Variants in PTN observed in about 807,000 individuals in gnomAD.
PTN encodes the protein heparin affin regulatory protein.
A neutral mutation model predicts 24.1 loss-of-function variants in PTN; 18 were observed. That is an observed-to-expected ratio of 0.75 (90% CI 0.52 to 1.11). The LOEUF (loss-of-function observed/expected upper bound fraction) is 1.11, where lower values mean the gene tolerates loss of function less well. PTN is among the 50% of genes least tolerant of loss of function. The probability of loss-of-function intolerance (pLI) is 0.00; values close to 1 mark genes in which losing one functional copy is unlikely to be tolerated. For missense variants in PTN, 163 were observed against 198.8 expected (o/e 0.82, Z 1.08); for synonymous variants, 78 against 68.6 (o/e 1.14, Z -0.67).
At chr7:137,323,028 CA>C (rs1810190846) in intron 1 of PTN, among the ~76,000 whole-genome samples, 1 of 152,208 alleles carries the variant, frequency 6.6e-6, no homozygotes, top group South Asian at 2.1e-4. Flanking sequence ...TCTGTAACTC[CA>C]CTTATGTTTG....
chr7:137,296,520 C>T (rs560749871), intron 1 of PTN, among the ~76,000 whole-genome samples: 12 of 152,142 alleles, frequency 7.9e-5, no homozygotes, highest in African/African-American at 2.6e-4. Flanking sequence ...GCCAGGAGAT[C>T]ACTTTAATAT....
chr7:137,233,501 A>G (rs1808465368), intron 4 of PTN, among the ~76,000 whole-genome samples: 2 of 152,036 alleles, frequency 1.3e-5, no homozygotes, highest in African/African-American at 4.8e-5. Flanking sequence ...TAGGGTATAA[A>G]GGTGAACAAG....
At chr7:137,243,939 A>G (rs545472936) in intron 4 of PTN, among the ~76,000 whole-genome samples, 6 of 152,282 alleles carry the variant, frequency 3.9e-5, no homozygotes, top group Non-Finnish European at 7.3e-5. Flanking sequence ...GTCTTGCGGC[A>G]TCCAAGCGAG....
intron 1 of PTN, among the ~76,000 whole-genome samples, chr7:137,292,681 G>A (rs1297759923): frequency 6.6e-6 from 1 of 152,142 alleles, no homozygotes; most frequent in African/African-American, 2.4e-5. Context: ...CATGTAAATG[G>A]CTGCTATACT....
At chr7:137,328,350 G>GAATGACC (rs1204843161) in intron 1 of PTN, among the ~76,000 whole-genome samples, 1 of 152,152 alleles carries the variant, frequency 6.6e-6, no homozygotes, top group Non-Finnish European at 1.5e-5. Context: ...TCATGTAAAG[G>GAATGACC]AATGACCTAT....
chr7:137,264,154 A>G (rs777856610), intron 1 of PTN, among the ~76,000 whole-genome samples: 2 of 152,160 alleles, frequency 1.3e-5, no homozygotes, highest in Non-Finnish European at 2.9e-5. Flanking sequence ...CAGGCTTCTT[A>G]TGGCCATTGA....
At chr7:137,306,725 T>C (rs901962115) in intron 1 of PTN, among the ~76,000 whole-genome samples, 3 of 152,154 alleles carry the variant, frequency 2.0e-5, no homozygotes, top group African/African-American at 7.2e-5. Flanking sequence ...AGAATTTATC[T>C]TTACATCACT....
intron 1 of PTN, among the ~76,000 whole-genome samples, chr7:137,283,566 C>T (rs571552506): frequency 3.0e-4 from 45 of 152,100 alleles, no homozygotes; most frequent in Non-Finnish European, 5.1e-4. Context: ...TGACATCTTC[C>T]AAAACTAGAA....
intron 1 of PTN, among the ~76,000 whole-genome samples, chr7:137,323,653 G>A (rs1012358397): frequency 6.6e-6 from 1 of 152,174 alleles, no homozygotes; most frequent in Non-Finnish European, 1.5e-5. Context: ...CATAGCCTAA[G>A]TTTAAGAAAA....
At chr7:137,323,679 G>A (rs1030697222) in intron 1 of PTN, among the ~76,000 whole-genome samples, 1 of 152,158 alleles carries the variant, frequency 6.6e-6, no homozygotes, top group Non-Finnish European at 1.5e-5. Flanking sequence ...TGTTATAATT[G>A]TGTAGTTATA....
chr7:137,248,022 C>A (rs1042865762), intron 4 of PTN, among the ~76,000 whole-genome samples: 1 of 151,920 alleles, frequency 6.6e-6, no homozygotes. Flanking sequence ...ATAATAATAC[C>A]CACCCGCAAG....
chr7:137,248,076 G>A (rs1441702140), intron 4 of PTN, among the ~76,000 whole-genome samples: 2 of 152,094 alleles, frequency 1.3e-5, no homozygotes, highest in Non-Finnish European at 2.9e-5. Context: ...AACACCTAGA[G>A]CAATGTATAG....
chr7:137,338,701 C>T (rs201875028), intron 1 of PTN, among the ~76,000 whole-genome samples: 2 of 152,122 alleles, frequency 1.3e-5, no homozygotes, highest in East Asian at 3.9e-4. Flanking sequence ...ATCACACTAC[C>T]TACCATATAG....
chr7:137,302,231 C>T (rs1809817439), intron 1 of PTN, among the ~76,000 whole-genome samples: 1 of 151,948 alleles, frequency 6.6e-6, no homozygotes, highest in Admixed American at 6.6e-5. Flanking sequence ...AGACGTGAAA[C>T]CTAATCCTCA....
chr7:137,303,054 T>G (rs1809832256), intron 1 of PTN, among the ~76,000 whole-genome samples: 1 of 151,986 alleles, frequency 6.6e-6, no homozygotes. Context: ...CATGAAAATG[T>G]TTTGTTTTAC....
intron 3 of PTN, among the ~76,000 whole-genome samples, chr7:137,252,131 C>A (rs1808838072): frequency 6.6e-6 from 1 of 151,818 alleles, no homozygotes; most frequent in African/African-American, 2.4e-5. Flanking sequence ...GTGGCTGTAC[C>A]ACCTTACAAT....
chr7:137,235,361 A>G (rs148919225), intron 4 of PTN, among the ~76,000 whole-genome samples: 2 of 152,266 alleles, frequency 1.3e-5, no homozygotes, highest in African/African-American at 4.8e-5. Context: ...CATACAGCTC[A>G]GTGATTCAGG....
At chr7:137,286,940 T>C (rs969867034) in intron 1 of PTN, among the ~76,000 whole-genome samples, 4 of 152,234 alleles carry the variant, frequency 2.6e-5, no homozygotes, top group Non-Finnish European at 5.9e-5. Context: ...TTGCAGTTAA[T>C]AGACTATAAA....
chr7:137,343,439 T>C lies in PTN; in HGVS notation c.-2A>G, dbSNP rs188431116. 1.9e-6 allele frequency: 1 copy of C among 515,058 alleles called. No homozygotes were observed. Among genetic ancestry groups the C allele is most frequent in the African/African-American group, 1.9e-5 (1 of 51,842 alleles). 31.9% of individuals were successfully genotyped at this position (515,058 alleles called of 1,614,324 possible). ...GAAATCGTACGTTCCTCTCACTTACTTTGAGTTGGAAACGTCCTCTCTGGC... is the reference window on the plus strand; with the variant it reads ...GAAATCGTACGTTCCTCTCACTTACCTTGAGTTGGAAACGTCCTCTCTGGC... On this transcript the variant is annotated splice_region_variant and 5_prime_UTR_variant, in exon 1 of 5. Transcript: ENST00000348225.
Sources: allele counts gnomAD v4.1 joint callset (sites outside exome capture counted in the v4.1 genomes callset), GRCh38; gene constraint gnomAD v4.1.1; transcripts MANE v1.5; gene names NCBI Gene and HGNC (gene_info 2026-07-23, HGNC 2026-07-21).